Variants in FARP1 observed in about 807,000 individuals in gnomAD.
The protein encoded by FARP1 is FERM, ARHGEF and pleckstrin domain-containing protein 1.
In FARP1, 52 loss-of-function variants were observed where a neutral mutation model predicts 128.8. The ratio of observed to expected loss-of-function variants is 0.40; its 90% CI spans 0.32 to 0.51. The LOEUF is 0.51. Ranked by LOEUF, FARP1 falls within the 20% of genes least tolerant of loss-of-function variation. FARP1 has a pLI of 0.45. For missense variants in FARP1, 1,333 were observed against 1,367.9 expected (o/e 0.97, Z 0.40); for synonymous variants, 580 against 551.8 (o/e 1.05, Z -0.72).
At chr13:98,387,028 C>A (rs189126304) in intron 8 of FARP1, among the ~76,000 whole-genome samples, 1 of 152,136 alleles carries the variant, frequency 6.6e-6, no homozygotes, top group African/African-American at 2.4e-5. Context: ...AGGCCGGGCG[C>A]GGTCGCTCAC....
At chr13:98,424,698 G>T in intron 17 of FARP1, 48 bp downstream of exon 17, 2 of 1,327,428 alleles carry the variant, frequency 1.5e-6, no homozygotes, top group South Asian at 2.4e-5. Context: ...AAGGAGAATC[G>T]AGCGGGGCTG....
At chr13:98,231,310 A>AAAG (rs1283798865) in intron 2 of FARP1, among the ~76,000 whole-genome samples, 2 of 152,172 alleles carry the variant, frequency 1.3e-5, no homozygotes, top group African/African-American at 4.8e-5. Flanking sequence ...TGTAAAAAAA[A>AAAG]AATACTCTGG....
chr13:98,243,136 C>T (rs1216477185), intron 2 of FARP1, among the ~76,000 whole-genome samples: 4 of 152,112 alleles, frequency 2.6e-5, no homozygotes, highest in African/African-American at 9.7e-5. Flanking sequence ...TACTGTGATA[C>T]TGTAAAATCA....
At chr13:98,398,620 G>A (rs1890645141) in intron 13 of FARP1, 1 of 152,120 alleles carries the variant, frequency 6.6e-6, no homozygotes, top group Admixed American at 6.5e-5. Flanking sequence ...GGCAATTACA[G>A]GCCATAATAG....
At position 98,287,208 on chromosome 13, in the gene FARP1, C is replaced by CTTTTTTTTTTTTTTTTTTT. The variant is rs71111939; in HGVS notation, c.172-56532_172-56514dup. Among the ~76,000 whole-genome samples the CTTTTTTTTTTTTTTTTTTT allele has an allele frequency of 1.6e-4, 12 of 75,842 alleles. 1 individual carries two copies. The highest frequency in any genetic ancestry group is 3.2e-4 in the Admixed American group (2 of 6,250). 49.8% of individuals were successfully genotyped at this position (75,842 alleles called of 152,430 possible). A position where few individuals can be genotyped will look rare whatever the true frequency, so the allele number is the denominator to read the frequency against. On this transcript the variant is annotated intron_variant, in intron 2 of 26. Coordinates refer to ENST00000319562, the MANE Select transcript of FARP1 (RefSeq NM_005766.4). ...TTTCCAAATTAACCATCAGACATGT[C>CTTTTTTTTTTTTTTTTTTT]TTTTTTTTTTTTTTTTTTTTTTTTT...
chr13:98,287,963 G>T (rs945411457), intron 2 of FARP1, among the ~76,000 whole-genome samples: 1 of 151,890 alleles, frequency 6.6e-6, no homozygotes, highest in Non-Finnish European at 1.5e-5. Flanking sequence ...CACCATGCCC[G>T]GCTAATTTTT....
rs1240653643 is a variant in FARP1 at position 98,451,312 on chromosome 13, T to C, written c.*2995T>C. 6.6e-6 allele frequency: 1 copy of C among 152,092 alleles called. No individual in the cohort carries two copies. The highest frequency in any genetic ancestry group is 1.5e-5 in the Non-Finnish European group (1 of 68,022). The allele number at this position is 152,092 out of a possible 1,614,324, so 9.4% of individuals were successfully genotyped here. On this transcript the variant is annotated 3_prime_UTR_variant, in exon 27 of 27. Coordinates refer to ENST00000319562, the MANE Select transcript of FARP1 (RefSeq NM_005766.4). ...CCGCCGGCCTCACGTAAGGAAACAGTTCCCCACACAGAATACTCCCTGGAA... is the reference window on the plus strand; with the variant it reads ...CCGCCGGCCTCACGTAAGGAAACAGCTCCCCACACAGAATACTCCCTGGAA...
Position 98,176,988 on chromosome 13 carries a change from C to T in FARP1, c.-24+33496C>T, listed in dbSNP as rs765312109. 9 of 1,599,206 alleles carry T rather than the reference C, an allele frequency of 5.6e-6. No homozygotes were observed. The highest frequency in any genetic ancestry group is 5.9e-6 in the Non-Finnish European group (7 of 1,179,464). On this transcript the variant is annotated intron_variant, in intron 1 of 26. Coordinates refer to ENST00000319562, the MANE Select transcript of FARP1 (RefSeq NM_005766.4). This position sits in a 1 kb window ranked among gnomAD's most constrained non-coding sequence, Gnocchi z 6.2. ...CGTCGAGGCTCTCAGGCGCCGCCTC[C>T]TCGCCCCTCCTGTCGCCGTGAGCCG...
At chr13:98,376,521 G>T (rs1186382560) in intron 5 of FARP1, among the ~76,000 whole-genome samples, 1 of 152,110 alleles carries the variant, frequency 6.6e-6, no homozygotes. Context: ...GTTCATCTGT[G>T]GATGGACACT....
At position 98,416,513 on chromosome 13, in the gene FARP1, C is replaced by T. The variant is rs570491715; in HGVS notation, c.1826+4479C>T. ...TAAACACACCTGAGAAGGAGATGGACGCCCAAGGCCTGCTTCTTGCTGGCA... is the reference window on the plus strand; with the variant it reads ...TAAACACACCTGAGAAGGAGATGGATGCCCAAGGCCTGCTTCTTGCTGGCA... On this transcript the variant is annotated intron_variant, in intron 16 of 26. Transcript: ENST00000319562. 4.6e-5 allele frequency among the ~76,000 whole-genome samples: 7 copies of T among 152,322 alleles called. No individual in the cohort carries two copies. The East Asian group carries it at 9.7e-4, about 21-fold the overall frequency.
In FARP1 at chr13:98,446,860, C is replaced by T. The variant is rs776486518; in HGVS notation, c.3056+43C>T. ...ACGCACAGGGCCCTGCAGAAGAGGA[C>T]CCCCTCTTCCAAACATCAGGATTTC... On this transcript the variant is annotated intron_variant, in intron 26 of 26. Coordinates refer to ENST00000319562, the MANE Select transcript of FARP1 (RefSeq NM_005766.4). The T allele has an allele frequency of 3.1e-6, 5 of 1,593,684 alleles. No homozygotes were observed. The South Asian group carries it at 4.4e-5, about 14-fold the overall frequency.
chr13:98,173,534 T>C (rs1877790743), intron 1 of FARP1, among the ~76,000 whole-genome samples: 1 of 152,160 alleles, frequency 6.6e-6, no homozygotes, highest in Non-Finnish European at 1.5e-5. Flanking sequence ...CTGGCAGTCA[T>C]GGGGAGAGGG....
intron 2 of FARP1, among the ~76,000 whole-genome samples, chr13:98,226,861 C>G (rs2139385981): frequency 6.6e-6 from 1 of 152,102 alleles, no homozygotes; most frequent in East Asian, 1.9e-4. Context: ...CCACCATTTC[C>G]CGGTGGATCA....
chr13:98,149,298 T>C (rs1335842379), intron 1 of FARP1, among the ~76,000 whole-genome samples: 1 of 152,226 alleles, frequency 6.6e-6, no homozygotes, highest in African/African-American at 2.4e-5. Context: ...TATTAGTTTA[T>C]TTTCTGTTGC....
intron 24 of FARP1, among the ~76,000 whole-genome samples, chr13:98,441,616 C>T (rs1336760341): frequency 5.9e-5 from 9 of 152,210 alleles, no homozygotes; most frequent in Admixed American, 5.9e-4. Flanking sequence ...AACCTCTTCT[C>T]ACACCAGGTG....
At chr13:98,208,769 C>T (rs9556905) in intron 1 of FARP1, among the ~76,000 whole-genome samples, 35,192 of 151,938 alleles carry the variant, frequency 0.23, 6,166 homozygotes, top group East Asian at 0.67. Flanking sequence ...TGATTTGAGT[C>T]GCTGTGGATG....
chr13:98,373,533 G>GACAGACAGACAGACACACACAC (rs1349451618), intron 5 of FARP1, among the ~76,000 whole-genome samples: 3 of 130,984 alleles, frequency 2.3e-5, no homozygotes, highest in African/African-American at 8.9e-5. Context: ...CAGACAGACA[G>GACAGACAGACAGACACACACAC]ACACACACAC....
intron 1 of FARP1, among the ~76,000 whole-genome samples, chr13:98,185,668 G>T (rs1400607264): frequency 2.8e-4 from 42 of 150,602 alleles, no homozygotes; most frequent in African/African-American, 9.7e-4. Context: ...TTTGGCTGTG[G>T]TGGTAAAATA....
chr13:98,438,908 G>C (rs749442431), intron 20 of FARP1, 36 bp downstream of exon 20: 2 of 1,602,780 alleles, frequency 1.2e-6, no homozygotes, highest in Non-Finnish European at 8.5e-7. Context: ...CACAAGGATT[G>C]TGTCACCTGG....
Sources: gnomAD v4.1 joint callset for allele counts (sites outside exome capture counted in the v4.1 genomes callset) on GRCh38, gnomAD v4.1.1 for gene constraint, Gnocchi (gnomAD v3.1) non-coding constraint, MANE v1.5 for transcripts, NCBI Gene and HGNC (gene_info 2026-07-23, HGNC 2026-07-21) for gene names.